The following HERC3 variants were observed in gnomAD, a reference collection of about 807,000 sequenced individuals.
HERC3 encodes probable E3 ubiquitin-protein ligase HERC3.
Under a neutral mutation model 129.9 loss-of-function variants are expected in HERC3, and 58 were observed. The ratio of observed to expected loss-of-function variants is 0.45; its 90% CI spans 0.36 to 0.56. The LOEUF (loss-of-function observed/expected upper bound fraction) is 0.56, where lower values mean the gene tolerates loss of function less well. Ranked by LOEUF, HERC3 falls within the 20% of genes least tolerant of loss-of-function variation. The pLI, the probability that HERC3 is intolerant of heterozygous loss-of-function variation, is 0.00. For missense variants in HERC3, 835 were observed against 1,244.2 expected (o/e 0.67, Z 4.95); for synonymous variants, 430 against 451.0 (o/e 0.95, Z 0.59).
At chr4:88,647,271 C>T (rs777855746) in intron 3 of HERC3, among the ~76,000 whole-genome samples, 3 of 152,196 alleles carry the variant, frequency 2.0e-5, no homozygotes, top group Admixed American at 6.5e-5. Flanking sequence ...CGACAGTATT[C>T]TGTCAGGATA....
At chr4:88,578,127 A>G in the HERC3 span, among the ~76,000 whole-genome samples, 9 of 152,242 alleles carry the variant, frequency 5.9e-5, no homozygotes, top group African/African-American at 2.2e-4. Context: ...GAATTCACAT[A>G]TATAACAAGA....
At chr4:88,564,661 G>A in the HERC3 span, among the ~76,000 whole-genome samples, 1 of 151,872 alleles carries the variant, frequency 6.6e-6, no homozygotes, top group Admixed American at 6.6e-5. Flanking sequence ...GATTTGTTGA[G>A]TTTATCTTTT....
chr4:88,707,263 T>G lies in HERC3; in HGVS notation c.*303T>G, dbSNP rs781312374. Reference sequence around the variant, plus strand: ...ATGTGTTGCACTCTGCTGGATGAAATGGCAGTGGATTTTTAAACTTTAATT... The same window carrying G: ...ATGTGTTGCACTCTGCTGGATGAAAGGGCAGTGGATTTTTAAACTTTAATT... On this transcript the variant is annotated 3_prime_UTR_variant, in exon 26 of 26. Coordinates refer to ENST00000402738, the MANE Select transcript of HERC3 (RefSeq NM_014606.3). 5.1e-5 allele frequency: 16 copies of G among 314,336 alleles called. No homozygotes were observed. Among genetic ancestry groups the G allele is most frequent in the Admixed American group, 2.8e-4 (6 of 21,308 alleles). 19.5% of individuals were successfully genotyped at this position (314,336 alleles called of 1,614,324 possible).
intron 23 of HERC3, chr4:88,697,733 C>T: frequency 6.2e-7 from 1 of 1,610,020 alleles, no homozygotes; most frequent in Non-Finnish European, 8.5e-7. Context: ...TCCGCAGGCC[C>T]CTGGTTTTCC....
chr4:88,527,859 C>T, the HERC3 span: 2 of 305,112 alleles, frequency 6.6e-6, no homozygotes, highest in African/African-American at 2.3e-5. Flanking sequence ...TAGCTGAGGG[C>T]CTGACGGACA....
intron 23 of HERC3, among the ~76,000 whole-genome samples, chr4:88,702,997 C>T (rs1369012261): frequency 6.6e-6 from 1 of 152,222 alleles, no homozygotes; most frequent in East Asian, 1.9e-4. Flanking sequence ...AGCCAGCCTG[C>T]TATAAGTCAG....
chr4:88,704,759 T>C (rs1735628507), intron 25 of HERC3, 149 bp downstream of exon 25: 1 of 609,184 alleles, frequency 1.6e-6, no homozygotes, highest in Non-Finnish European at 2.9e-6. Flanking sequence ...CTTAATGTTA[T>C]CTCAGGCACA....
Position 88,678,045 on chromosome 4 carries a change from G to A in HERC3, c.2107G>A (p.Val703Ile). The A allele has an allele frequency of 6.2e-7, 1 of 1,613,894 alleles. No individual in the cohort carries two copies. Reference protein sequence around the residue: ...EPLLARSPFLVLHVRRNNLVG... With the variant: ...EPLLARSPFLILHVRRNNLVG... ...TCTGCTGGCCAGAAGCCCCTTCCTG[G>A]TCCTTCACGTTCGCAGGAACAACCT... Residue 703 changes from valine (V) to isoleucine (I), a missense_variant, in exon 19 of 26, where the codon GTC becomes ATC. Transcript: ENST00000402738.
intron 21 of HERC3, among the ~76,000 whole-genome samples, chr4:88,684,199 C>G (rs562590822): frequency 6.6e-6 from 1 of 152,266 alleles, no homozygotes; most frequent in South Asian, 2.1e-4. Context: ...AGACATTACG[C>G]TACTTGACTT....
intron 2 of HERC3, among the ~76,000 whole-genome samples, chr4:88,603,514 C>G (rs1476850194): frequency 6.6e-6 from 1 of 151,960 alleles, no homozygotes; most frequent in African/African-American, 2.4e-5. Flanking sequence ...GCCAATCGCT[C>G]TCTCTTAATT....
At chr4:88,524,280 T>C in the HERC3 span, among the ~76,000 whole-genome samples, 2 of 152,228 alleles carry the variant, frequency 1.3e-5, no homozygotes, top group African/African-American at 4.8e-5. Context: ...CTCCAAAATA[T>C]ATAAATTCTT....
intron 2 of HERC3, among the ~76,000 whole-genome samples, chr4:88,604,671 G>A (rs1378839895): frequency 1.3e-5 from 2 of 152,172 alleles, no homozygotes; most frequent in African/African-American, 2.4e-5. Context: ...TTCATCAGTT[G>A]ATGGACATTT....
At chr4:88,655,368 T>C (rs1211591102) in intron 8 of HERC3, 64 bp downstream of exon 8, 15 of 1,562,880 alleles carry the variant, frequency 9.6e-6, no homozygotes, top group Non-Finnish European at 1.3e-5. Context: ...ATCTTTGTAG[T>C]GATGAAGAAT....
chr4:88,565,487 T>C, the HERC3 span, among the ~76,000 whole-genome samples: 2 of 152,198 alleles, frequency 1.3e-5, no homozygotes, highest in African/African-American at 4.8e-5. Context: ...CATTATACAA[T>C]GATTTTGTCT....
chr4:88,553,699 AC>A, the HERC3 span, among the ~76,000 whole-genome samples: 2 of 152,000 alleles, frequency 1.3e-5, no homozygotes, highest in African/African-American at 4.8e-5. Flanking sequence ...CACCACACCC[AC>A]CTAATTTTTG....
At chr4:88,668,160 A>T in intron 14 of HERC3, 79 bp downstream of exon 14, 1 of 1,113,072 alleles carries the variant, frequency 9.0e-7, no homozygotes, top group Non-Finnish European at 1.3e-6. Context: ...CAGTGGATTG[A>T]GATCCAAGAA....
chr4:88,649,800 C>T (rs1237823626), intron 3 of HERC3, 40 bp from the exon 4 acceptor site: 2 of 1,588,076 alleles, frequency 1.3e-6, no homozygotes, highest in African/African-American at 1.3e-5. Context: ...ATTCCTGTTT[C>T]TGGGTTGTAC....
At chr4:88,525,850 C>T in the HERC3 span, among the ~76,000 whole-genome samples, 4 of 152,192 alleles carry the variant, frequency 2.6e-5, no homozygotes, top group African/African-American at 9.7e-5. Flanking sequence ...AGGATAGGAT[C>T]ATGGGACTGG....
the HERC3 span, among the ~76,000 whole-genome samples, chr4:88,577,340 C>A: frequency 6.6e-6 from 1 of 152,150 alleles, no homozygotes; most frequent in Admixed American, 6.5e-5. Context: ...GCTTAATCCT[C>A]TGTGCATGTA....
Sources: allele counts gnomAD v4.1 joint callset (sites outside exome capture counted in the v4.1 genomes callset), GRCh38; gene constraint gnomAD v4.1.1; transcripts MANE v1.5; gene names NCBI Gene and HGNC (gene_info 2026-07-23, HGNC 2026-07-21).